Variants in ITGA8 observed in about 807,000 individuals in gnomAD.
ITGA8 encodes integrin alpha-8.
Under a neutral mutation model 142.3 loss-of-function variants are expected in ITGA8, and 91 were observed. The ratio of observed to expected loss-of-function variants is 0.64; its 90% CI spans 0.54 to 0.76. ITGA8 has a LOEUF of 0.76. Ranked by LOEUF, ITGA8 falls within the 30% of genes least tolerant of loss-of-function variation. The pLI, the probability that ITGA8 is intolerant of heterozygous loss-of-function variation, is 0.00. For missense variants in ITGA8, 1,406 were observed against 1,327.7 expected (o/e 1.06, Z -0.92); for synonymous variants, 505 against 485.2 (o/e 1.04, Z -0.54).
At chr10:15,623,457 G>T (rs1339524067) in intron 13 of ITGA8, among the ~76,000 whole-genome samples, 10 of 152,154 alleles carry the variant, frequency 6.6e-5, no homozygotes, top group Admixed American at 2.0e-4. Context: ...AGGCTGAGGT[G>T]GGTGGATCAC....
intron 2 of ITGA8, among the ~76,000 whole-genome samples, chr10:15,688,548 AAAG>A (rs1425459956): frequency 2.0e-5 from 3 of 152,194 alleles, no homozygotes; most frequent in Non-Finnish European, 4.4e-5. Flanking sequence ...CATTACAAGA[AAAG>A]AAAATTACAG....
At chr10:15,565,757 T>A (rs1436916745) in intron 25 of ITGA8, among the ~76,000 whole-genome samples, 1 of 151,762 alleles carries the variant, frequency 6.6e-6, no homozygotes, top group African/African-American at 2.4e-5. Context: ...GCCCAGCTAA[T>A]TTTTGTACTT....
chr10:15,608,103 G>A, intron 16 of ITGA8, 132 bp downstream of exon 16: 1 of 708,146 alleles, frequency 1.4e-6, no homozygotes, highest in Non-Finnish European at 2.4e-6. Context: ...TTATTAGAAG[G>A]TTCCATATAT....
At chr10:15,644,913 A>G (rs1833950160) in intron 12 of ITGA8, among the ~76,000 whole-genome samples, 1 of 151,388 alleles carries the variant, frequency 6.6e-6, no homozygotes, top group Non-Finnish European at 1.5e-5. Context: ...CTAACACAGT[A>G]AAACCCCATC....
intron 8 of ITGA8, among the ~76,000 whole-genome samples, chr10:15,667,833 G>A (rs1351403363): frequency 3.9e-5 from 6 of 152,104 alleles, no homozygotes; most frequent in African/African-American, 7.2e-5. Flanking sequence ...GCAGTTTTGA[G>A]TGAGTTTCTT....
chr10:15,528,682 T>C (rs1233153102), intron 28 of ITGA8, among the ~76,000 whole-genome samples: 1 of 152,088 alleles, frequency 6.6e-6, no homozygotes, highest in Non-Finnish European at 1.5e-5. Context: ...GTGTTTCTGC[T>C]AGGGAGCACG....
rs532650496 is a variant in ITGA8, at chr10:15,588,878, C to T, written c.2292-2214G>A. Among the ~76,000 whole-genome samples the T allele has an allele frequency of 3.3e-5, 5 of 152,296 alleles. No individual in the cohort carries two copies. In the East Asian group the frequency reaches 5.8e-4, roughly 18 times the overall value. ...ACAGCAGCAAACTCTGAGTCCAGAC[C>T]TTCTGGTCGGCTAATCAAAATCATC... On this transcript the variant is annotated intron_variant, in intron 22 of 29. Transcript: ENST00000378076.
intron 1 of ITGA8, among the ~76,000 whole-genome samples, chr10:15,719,145 G>A (rs1294383120): frequency 6.6e-6 from 1 of 152,170 alleles, no homozygotes; most frequent in Non-Finnish European, 1.5e-5. Context: ...GATGAGAGAA[G>A]GGGGTGGGGT....
At chr10:15,586,773 T>C (rs1273230617) in intron 22 of ITGA8, 109 bp from the exon 23 acceptor site, 10 of 650,106 alleles carry the variant, frequency 1.5e-5, no homozygotes, top group East Asian at 2.8e-5. Context: ...GTTACTAACC[T>C]GATCATTCAG....
chr10:15,595,358 T>A (rs1239308520), intron 21 of ITGA8, among the ~76,000 whole-genome samples: 1 of 152,154 alleles, frequency 6.6e-6, no homozygotes, highest in Non-Finnish European at 1.5e-5. Context: ...TGAAGAAGAA[T>A]ATAAATCAAA....
Position 15,694,263 on chromosome 10 carries a change from TCAGATA to T in ITGA8, c.344-6231_344-6226del, listed in dbSNP as rs1564412313. 5.1e-3 allele frequency among the ~76,000 whole-genome samples: 501 copies of T among 98,000 alleles called. 13 individuals carry two copies. Among genetic ancestry groups the T allele is most frequent in the African/African-American group, 0.014 (399 of 29,044 alleles). The allele number at this position is 98,000 out of a possible 152,430, so 64.3% of individuals were successfully genotyped here. A position where few individuals can be genotyped will look rare whatever the true frequency, so the allele number is the denominator to read the frequency against. ...TATCATATATATGATAACATATACA[TCAGATA>T]ATATATCATACATCAGATAATATAT... is the stretch of plus-strand genomic sequence containing the variant. On this transcript the variant is annotated intron_variant, in intron 2 of 29. Coordinates refer to ENST00000378076, the MANE Select transcript of ITGA8 (RefSeq NM_003638.3).
At chr10:15,534,263 T>G (rs570621213) in intron 27 of ITGA8, among the ~76,000 whole-genome samples, 2 of 152,328 alleles carry the variant, frequency 1.3e-5, no homozygotes, top group Non-Finnish European at 2.9e-5. Context: ...CAGACATATC[T>G]GAGATCAGTC....
Position 15,710,100 on chromosome 10 carries a change from CATAA to C in ITGA8, c.343+8662_343+8665del, listed in dbSNP as rs752145013. ...TAATTTTTTCATTATTTTTCCTGAT[CATAA>C]ATAAATACTTGTTCATGGTTTGAAA... is the stretch of plus-strand genomic sequence containing the variant. On this transcript the variant is annotated intron_variant, in intron 2 of 29. Coordinates refer to ENST00000378076, the MANE Select transcript of ITGA8 (RefSeq NM_003638.3). Among the ~76,000 whole-genome samples the C allele has an allele frequency of 1.7e-4, 26 of 151,880 alleles. 1 individual carries two copies. In the East Asian group the frequency reaches 4.6e-3, roughly 27 times the overall value.
At chr10:15,619,733 G>C (rs1420485660) in intron 13 of ITGA8, among the ~76,000 whole-genome samples, 2 of 151,598 alleles carry the variant, frequency 1.3e-5, no homozygotes, top group African/African-American at 4.8e-5. Context: ...GAGAAAAAAA[G>C]AGCTACCGAT....
intron 4 of ITGA8, among the ~76,000 whole-genome samples, chr10:15,682,853 CAAAAAAA>C (rs3048323): frequency 1.7e-5 from 2 of 120,176 alleles, no homozygotes; most frequent in Non-Finnish European, 3.4e-5. Flanking sequence ...GACCCTGTCT[CAAAAAAA>C]AAAAAAAAAA....
intron 7 of ITGA8, among the ~76,000 whole-genome samples, chr10:15,671,980 T>A (rs1241044729): frequency 6.6e-6 from 1 of 152,108 alleles, no homozygotes; most frequent in Non-Finnish European, 1.5e-5. Context: ...CTGTTGCATT[T>A]TAAGAGCTGC....
rs577061239 is a variant in ITGA8, at chr10:15,644,909, C to T, written c.1208-688G>A. 7.5e-4 allele frequency among the ~76,000 whole-genome samples: 113 copies of T among 151,454 alleles called. 1 individual carries two copies. Among genetic ancestry groups the T allele is most frequent in the African/African-American group, 2.7e-3 (111 of 41,280 alleles). On this transcript the variant is annotated intron_variant, in intron 12 of 29. Coordinates refer to ENST00000378076, the MANE Select transcript of ITGA8 (RefSeq NM_003638.3). ...GAGATCGAGACCATCCTGGCTAACACAGTAAAACCCCATCTCTACTAAAAA... is the reference window on the plus strand; with the variant it reads ...GAGATCGAGACCATCCTGGCTAACATAGTAAAACCCCATCTCTACTAAAAA...
At chr10:15,671,949 C>T (rs1026032782) in intron 7 of ITGA8, among the ~76,000 whole-genome samples, 1 of 150,518 alleles carries the variant, frequency 6.6e-6, no homozygotes, top group African/African-American at 2.4e-5. Context: ...CTTCATAATC[C>T]ACCTTGAGAG....
chr10:15,545,872 A>C (rs1833659209), intron 27 of ITGA8, among the ~76,000 whole-genome samples: 1 of 152,204 alleles, frequency 6.6e-6, no homozygotes, highest in Admixed American at 6.5e-5. Context: ...TTATTATCAC[A>C]TCACTCCTTA....
Sources: allele counts gnomAD v4.1 joint callset (sites outside exome capture counted in the v4.1 genomes callset), GRCh38; gene constraint gnomAD v4.1.1; transcripts MANE v1.5; gene names NCBI Gene and HGNC (gene_info 2026-07-23, HGNC 2026-07-21).